Variants in DDHD1 observed in about 807,000 individuals in gnomAD.
The protein encoded by DDHD1 is phospholipase DDHD1.
Under a neutral mutation model 96.4 loss-of-function variants are expected in DDHD1, and 49 were observed. The observed-to-expected ratio is 0.51, with a 90% CI of 0.40 to 0.64. The LOEUF (loss-of-function observed/expected upper bound fraction) is 0.64. Ranked by LOEUF, DDHD1 falls within the 30% of genes least tolerant of loss-of-function variation. The pLI is 0.00. For synonymous variants in DDHD1, 442 were observed against 446.5 expected, an observed-to-expected ratio of 0.99 and a Z score of 0.13; for missense variants, 1,106 against 1,161.2, an observed-to-expected ratio of 0.95 and a Z score of 0.69.
chr14:53,060,662 C>T (rs1483472041), intron 8 of DDHD1, among the ~76,000 whole-genome samples: 1 of 152,132 alleles, frequency 6.6e-6, no homozygotes, highest in Non-Finnish European at 1.5e-5. Context: ...TCTCATCTGT[C>T]TCTATTTTTC....
chr14:53,063,909 A>G (rs1238489578), intron 6 of DDHD1, among the ~76,000 whole-genome samples: 3 of 152,254 alleles, frequency 2.0e-5, no homozygotes, highest in African/African-American at 7.2e-5. Context: ...TTAAGCTTTA[A>G]CAAATATTAC....
chr14:53,049,488 C>G (rs1348468367), intron 12 of DDHD1, among the ~76,000 whole-genome samples: 2 of 151,986 alleles, frequency 1.3e-5, no homozygotes, highest in African/African-American at 2.4e-5. Flanking sequence ...GAGTGAGGGT[C>G]TACATAGTAG....
intron 1 of DDHD1, 148 bp downstream of exon 1, chr14:53,152,113 G>A (rs1434713454): frequency 3.6e-6 from 3 of 833,736 alleles, no homozygotes; most frequent in East Asian, 2.8e-5. Flanking sequence ...AGCTGCCGAC[G>A]CTCCCTGCTC....
At position 53,152,997 on chromosome 14, in the gene DDHD1, GAACGC is replaced by G; in HGVS notation, c.97_101del (p.Ala33ArgfsTer52). On this transcript the variant is annotated frameshift_variant, in exon 1 of 13. Transcript: ENST00000673822. LOFTEE classifies it high-confidence loss of function. Reference sequence around the variant, plus strand: ...GCTCGAAGCAGCAGACGCCGCCGCCGAACGCTGGCCTCGCGTCTGAGCCCAGCTCC... The same window carrying G: ...GCTCGAAGCAGCAGACGCCGCCGCCGTGGCCTCGCGTCTGAGCCCAGCTCC... The G allele has an allele frequency of 6.5e-7, 1 of 1,545,156 alleles. No individual in the cohort carries two copies. Among genetic ancestry groups the G allele is most frequent in the Non-Finnish European group, 8.7e-7 (1 of 1,148,222 alleles).
chr14:53,121,236 C>T (rs1485487004), intron 1 of DDHD1, among the ~76,000 whole-genome samples: 1 of 152,146 alleles, frequency 6.6e-6, no homozygotes, highest in Non-Finnish European at 1.5e-5. Flanking sequence ...AATGAGATAC[C>T]TCTCACACCA....
chr14:53,077,241 T>C (rs1010513122), intron 4 of DDHD1, among the ~76,000 whole-genome samples: 3 of 152,234 alleles, frequency 2.0e-5, no homozygotes, highest in African/African-American at 7.2e-5. Context: ...CTTCTCTTTT[T>C]AGTGATGATA....
intron 1 of DDHD1, among the ~76,000 whole-genome samples, chr14:53,129,581 C>T (rs1889712192): frequency 1.3e-5 from 2 of 152,170 alleles, no homozygotes; most frequent in Admixed American, 6.5e-5. Context: ...TGCCTTGAAC[C>T]TTCACGTTGG....
At chr14:53,054,658 C>A in intron 10 of DDHD1, 29 bp from the exon 11 acceptor site, 1 of 1,604,156 alleles carries the variant, frequency 6.2e-7, no homozygotes, top group Non-Finnish European at 8.5e-7. Context: ...GGTAGTCATT[C>A]TGTTGAATCA....
At chr14:53,135,861 AG>A (rs1890199856) in intron 1 of DDHD1, among the ~76,000 whole-genome samples, 1 of 152,246 alleles carries the variant, frequency 6.6e-6, no homozygotes, top group Admixed American at 6.5e-5. Flanking sequence ...AAGACAGAAG[AG>A]GACAGTGATC....
At chr14:53,108,627 G>T (rs938824700) in intron 1 of DDHD1, among the ~76,000 whole-genome samples, 2 of 152,116 alleles carry the variant, frequency 1.3e-5, no homozygotes, top group African/African-American at 4.8e-5. Flanking sequence ...AATATTTTTG[G>T]ACTCTAGTTG....
chr14:53,053,904 CA>C (rs1197303862), intron 11 of DDHD1: 3 of 152,206 alleles, frequency 2.0e-5, no homozygotes, highest in Non-Finnish European at 2.9e-5. Context: ...CTAAGTCCAA[CA>C]TAACTATCCA....
rs1016030239 is a variant in DDHD1, at chr14:53,044,253, A to G, written c.*2515T>C. 1 of 152,204 alleles carries G rather than the reference A, an allele frequency of 6.6e-6. No individual in the cohort carries two copies. The highest frequency in any genetic ancestry group is 1.5e-5 in the Non-Finnish European group (1 of 68,030). 9.4% of individuals were successfully genotyped at this position (152,204 alleles called of 1,614,324 possible). A position where few individuals can be genotyped will look rare whatever the true frequency, so the allele number is the denominator to read the frequency against. On this transcript the variant is annotated 3_prime_UTR_variant, in exon 13 of 13. Transcript: ENST00000673822. ...TAGTCCAGAATATCTTATTTTTGAAAAGGTTTTGAATATTGCTCTTTCCAA... is the reference window on the plus strand; with the variant it reads ...TAGTCCAGAATATCTTATTTTTGAAGAGGTTTTGAATATTGCTCTTTCCAA...
intron 4 of DDHD1, among the ~76,000 whole-genome samples, chr14:53,090,402 C>T (rs1254203838): frequency 6.6e-6 from 1 of 152,148 alleles, no homozygotes; most frequent in Admixed American, 6.5e-5. Flanking sequence ...ATAAATCATG[C>T]TACTATGAAG....
chr14:53,058,751 A>T, intron 8 of DDHD1, 125 bp from the exon 9 acceptor site: 1 of 842,878 alleles, frequency 1.2e-6, no homozygotes. Flanking sequence ...ATTCGTTTTT[A>T]ATAAGAGTTA....
At chr14:53,139,046 C>G (rs1021663582) in intron 1 of DDHD1, among the ~76,000 whole-genome samples, 4 of 148,542 alleles carry the variant, frequency 2.7e-5, no homozygotes, top group South Asian at 4.3e-4. Flanking sequence ...ACTAAAGAAC[C>G]ATAGCAGCTG....
chr14:53,110,939 G>A lies in DDHD1; in HGVS notation c.839-7083C>T, dbSNP rs548034253. 1.1e-3 allele frequency among the ~76,000 whole-genome samples: 174 copies of A among 152,200 alleles called. 1 individual carries two copies. The highest frequency in any genetic ancestry group is 4.0e-3 in the African/African-American group (165 of 41,536). On this transcript the variant is annotated intron_variant, in intron 1 of 12. Coordinates refer to ENST00000673822, the MANE Select transcript of DDHD1 (RefSeq NM_001160148.2). ...TGCAGTGAGCTGAGATCACACCATC[G>A]CACCTGCACTCCAGCCTAGGTGACA...
chr14:53,076,964 C>T (rs146074796), intron 4 of DDHD1, among the ~76,000 whole-genome samples: 31 of 152,264 alleles, frequency 2.0e-4, no homozygotes, highest in African/African-American at 6.3e-4. Flanking sequence ...CCAATTTGTG[C>T]AACTTGCTTA....
chr14:53,100,272 T>C (rs1203915563), intron 2 of DDHD1, among the ~76,000 whole-genome samples: 1 of 151,792 alleles, frequency 6.6e-6, no homozygotes, highest in Non-Finnish European at 1.5e-5. Context: ...GCCCAGGAGT[T>C]CAAGACCAGC....
chr14:53,129,173 C>T (rs532978112), intron 1 of DDHD1, among the ~76,000 whole-genome samples: 47 of 152,334 alleles, frequency 3.1e-4, no homozygotes, highest in African/African-American at 8.4e-4. Context: ...ACGTGCATGA[C>T]ATTTGGTGCC....
Sources: gnomAD v4.1 joint callset for allele counts (sites outside exome capture counted in the v4.1 genomes callset) on GRCh38, gnomAD v4.1.1 for gene constraint, MANE v1.5 for transcripts, NCBI Gene and HGNC (gene_info 2026-07-23, HGNC 2026-07-21) for gene names.